AVL9: variants seen among roughly 807,000 people sequenced by gnomAD.
AVL9 encodes AVL9 cell migration associated.
AVL9 carries 49 observed loss-of-function variants against 79.2 expected under a neutral mutation model. The ratio of observed to expected loss-of-function variants is 0.62; its 90% CI spans 0.49 to 0.79. The LOEUF (loss-of-function observed/expected upper bound fraction) is 0.79. Among genes scored for constraint, AVL9 ranks in the 30% least tolerant of loss-of-function variants. AVL9 has a pLI of 0.00. For synonymous variants in AVL9, 299 were observed against 280.6 expected (o/e 1.07, Z -0.65); for missense variants, 682 against 776.8 (o/e 0.88, Z 1.45).
chr7:32,572,801 C>CAAAAAAAAAAAAA (rs3080635), intron 11 of AVL9, among the ~76,000 whole-genome samples: 7,698 of 92,608 alleles, frequency 0.083, 833 homozygotes, highest in African/African-American at 0.14. Flanking sequence ...GACTCCGTCT[C>CAAAAAAAAAAAAA]AAAAAAAAAA....
chr7:32,517,889 T>C (rs1787978173), intron 1 of AVL9, among the ~76,000 whole-genome samples: 1 of 152,096 alleles, frequency 6.6e-6, no homozygotes, highest in Admixed American at 6.5e-5. Context: ...TGGAGTGCAG[T>C]GGCACGAACT....
intron 1 of AVL9, among the ~76,000 whole-genome samples, chr7:32,503,333 TCTATATATATAG>T (rs1288754736): frequency 1.9e-5 from 2 of 102,594 alleles, no homozygotes; most frequent in Admixed American, 1.1e-4. Context: ...TATATATATA[TCTATATATATAG>T]ATATAGATAT....
At chr7:32,503,818 G>A (rs763885242) in intron 1 of AVL9, among the ~76,000 whole-genome samples, 32 of 152,020 alleles carry the variant, frequency 2.1e-4, no homozygotes, top group Non-Finnish European at 4.0e-4. Context: ...GAGTAGCTGG[G>A]ATTACAGGTG....
chr7:32,522,794 G>T (rs1289128118), intron 1 of AVL9, among the ~76,000 whole-genome samples: 2 of 152,156 alleles, frequency 1.3e-5, no homozygotes, highest in South Asian at 2.1e-4. Context: ...GAATTCACAT[G>T]TGTTGTGGGA....
At chr7:32,566,645 G>A (rs1191984863) in intron 10 of AVL9, among the ~76,000 whole-genome samples, 12 of 152,034 alleles carry the variant, frequency 7.9e-5, no homozygotes, top group African/African-American at 7.2e-5. Flanking sequence ...TTGGGAGACC[G>A]AGGCGGGCAG....
chr7:32,495,524 T>G lies in AVL9; in HGVS notation c.-186T>G. The G allele has an allele frequency of 1.3e-5, 5 of 389,302 alleles. No individual in the cohort carries two copies. The highest frequency in any genetic ancestry group is 1.4e-5 in the Non-Finnish European group (3 of 219,378). The allele number at this position is 389,302 out of a possible 1,614,324, so 24.1% of individuals were successfully genotyped here. A position where few individuals can be genotyped will look rare whatever the true frequency, so the allele number is the denominator to read the frequency against. On this transcript the variant is annotated 5_prime_UTR_variant, in exon 1 of 16. It removes an upstream start codon present in the reference 5' UTR. Coordinates refer to ENST00000318709, the MANE Select transcript of AVL9 (RefSeq NM_015060.3). ...ACAGCCCGGAAGCTGCGGAAGCGGATGAGGGAAGGGCGGCCGTGGCCCTGG... is the reference window on the plus strand; with the variant it reads ...ACAGCCCGGAAGCTGCGGAAGCGGAGGAGGGAAGGGCGGCCGTGGCCCTGG...
rs1227025763 is a variant in AVL9 at position 32,548,144 on chromosome 7, C to CTCTTTTTTTTTTTTTTTTTTTTTTTT, written c.301-702_301-701insCTTTTTTTTTTTTTTTTTTTTTTTTT. On this transcript the variant is annotated intron_variant, in intron 3 of 15. Transcript: ENST00000318709. ...AACAAGCTGTCTGTTTTTGTCATCT[C>CTCTTTTTTTTTTTTTTTTTTTTTTTT]TTTTTTCTTTTTTTTTTTTTTGAGA... is the stretch of plus-strand genomic sequence containing the variant. Among the ~76,000 whole-genome samples the CTCTTTTTTTTTTTTTTTTTTTTTTTT allele has an allele frequency of 5.4e-4, 31 of 57,570 alleles. 1 individual carries two copies. The highest frequency in any genetic ancestry group is 0.011 in the Middle Eastern group (1 of 88). 37.8% of individuals were successfully genotyped at this position (57,570 alleles called of 152,430 possible).
chr7:32,549,889 A>G (rs13233256), intron 4 of AVL9, among the ~76,000 whole-genome samples: 124,360 of 148,540 alleles, frequency 0.84, 52,152 homozygotes, highest in Middle Eastern at 0.88. Flanking sequence ...ACTGCACTCC[A>G]GCCTGGGCGA....
intron 1 of AVL9, among the ~76,000 whole-genome samples, chr7:32,542,066 T>A (rs1049806622): frequency 5.3e-5 from 8 of 152,084 alleles, no homozygotes; most frequent in Non-Finnish European, 1.2e-4. Context: ...TACTCCTTAA[T>A]CTAAACTTTT....
intron 1 of AVL9, among the ~76,000 whole-genome samples, chr7:32,514,190 G>A (rs936148247): frequency 5.3e-5 from 8 of 152,140 alleles, no homozygotes; most frequent in African/African-American, 1.9e-4. Flanking sequence ...GTGTCGGGCT[G>A]AGGGGCTGTA....
intron 4 of AVL9, among the ~76,000 whole-genome samples, chr7:32,551,106 A>T (rs1438600649): frequency 6.6e-6 from 1 of 152,200 alleles, no homozygotes; most frequent in Non-Finnish European, 1.5e-5. Context: ...GTCTGAGCCC[A>T]CACTCTTAAG....
intron 11 of AVL9, among the ~76,000 whole-genome samples, chr7:32,571,483 G>T (rs1426480459): frequency 6.6e-6 from 1 of 151,836 alleles, no homozygotes. Context: ...AGCCGAGATC[G>T]TGCCACTGCA....
intron 8 of AVL9, 93 bp from the exon 9 acceptor site, chr7:32,558,463 ATTC>A: frequency 2.1e-6 from 2 of 943,712 alleles, no homozygotes; most frequent in Non-Finnish European, 3.3e-6. Context: ...GCCAGCTGTT[ATTC>A]TTATATAAGG....
chr7:32,514,094 T>C (rs186780135), intron 1 of AVL9, among the ~76,000 whole-genome samples: 19 of 152,280 alleles, frequency 1.2e-4, no homozygotes, highest in Non-Finnish European at 1.0e-4. Context: ...CCCAGAGACA[T>C]GCAGGAAACA....
At chr7:32,566,563 C>G (rs1322588851) in intron 10 of AVL9, among the ~76,000 whole-genome samples, 1 of 614 alleles carries the variant, frequency 1.6e-3, no homozygotes, top group Non-Finnish European at 3.0e-3. Flanking sequence ...AAAAAGTTAC[C>G]TACAATCTAG....
intron 12 of AVL9, among the ~76,000 whole-genome samples, chr7:32,574,529 T>A (rs939768469): frequency 7.9e-5 from 12 of 152,322 alleles, no homozygotes; most frequent in Non-Finnish European, 1.0e-4. Flanking sequence ...TTTGCTTTTT[T>A]AAAAATATTT....
intron 11 of AVL9, among the ~76,000 whole-genome samples, chr7:32,572,421 G>C (rs11762937): frequency 7.0e-6 from 1 of 142,096 alleles, no homozygotes; most frequent in Non-Finnish European, 1.6e-5. Flanking sequence ...TGGTGGGTTC[G>C]TAGGAATTTC....
chr7:32,535,009 A>G (rs1000408577), intron 1 of AVL9: 2 of 152,206 alleles, frequency 1.3e-5, no homozygotes, highest in Middle Eastern at 3.2e-3. Context: ...ACAGAAAGGA[A>G]GACACTCTTA....
intron 1 of AVL9, among the ~76,000 whole-genome samples, chr7:32,523,921 G>C (rs1046559158): frequency 2.0e-5 from 3 of 151,810 alleles, no homozygotes; most frequent in Non-Finnish European, 4.4e-5. Context: ...TTTTAGTAGA[G>C]ATGGGGTTTC....
Sources: gnomAD v4.1 joint callset for allele counts (sites outside exome capture counted in the v4.1 genomes callset) on GRCh38, gnomAD v4.1.1 for gene constraint, MANE v1.5 for transcripts, NCBI Gene and HGNC (gene_info 2026-07-23, HGNC 2026-07-21) for gene names.